The following CEMIP variants were observed in gnomAD, a reference collection of about 807,000 sequenced individuals.
The protein encoded by CEMIP is cell migration-inducing and hyaluronan-binding protein.
Under a neutral mutation model 156.9 loss-of-function variants are expected in CEMIP, and 105 were observed. That is an observed-to-expected ratio of 0.67 (90% CI 0.57 to 0.79). CEMIP has a LOEUF of 0.79. CEMIP is among the 30% of genes least tolerant of loss of function. The pLI is 0.00. For synonymous variants in CEMIP, 676 were observed against 668.4 expected (o/e 1.01, Z -0.17); for missense variants, 1,457 against 1,769.4 (o/e 0.82, Z 3.17).
intron 8 of CEMIP, 152 bp from the exon 9 acceptor site, chr15:80,888,549 G>A: frequency 1.5e-6 from 1 of 666,044 alleles, no homozygotes; most frequent in East Asian, 2.7e-5. Flanking sequence ...CCAAGTGAAT[G>A]AATGTCCTAA....
intron 1 of CEMIP, among the ~76,000 whole-genome samples, chr15:80,788,776 C>T (rs557818956): frequency 4.6e-4 from 70 of 152,182 alleles, no homozygotes; most frequent in African/African-American, 1.7e-3. Context: ...GTTGCTGAGC[C>T]ATGAGTGAGC....
chr15:80,914,005 G>T (rs1161357586), intron 14 of CEMIP, among the ~76,000 whole-genome samples: 1 of 152,252 alleles, frequency 6.6e-6, no homozygotes, highest in Non-Finnish European at 1.5e-5. Flanking sequence ...GATACTGTCA[G>T]TGGTGTCTTT....
intron 1 of CEMIP, among the ~76,000 whole-genome samples, chr15:80,813,120 G>A (rs1391577073): frequency 6.6e-6 from 1 of 152,168 alleles, no homozygotes; most frequent in African/African-American, 2.4e-5. Context: ...GAAAACAAGA[G>A]CTAATAGTAA....
chr15:80,900,864 C>T, intron 12 of CEMIP: 1 of 451,030 alleles, frequency 2.2e-6, no homozygotes, highest in Non-Finnish European at 4.4e-6. Context: ...CTTCTCTTCC[C>T]CAGGCTGGCT....
rs532397594 is a variant in CEMIP at position 80,846,864 on chromosome 15, G to A, written c.-175-26674G>A. On this transcript the variant is annotated intron_variant, in intron 1 of 29. Coordinates refer to ENST00000394685, the MANE Select transcript of CEMIP (RefSeq NM_001293298.2). The stretch of plus-strand genomic sequence containing the variant: ...CACTTGTTGTGGTGACAAGACTTGG[G>A]GGCTTTACTCAGTGGTTTCCATTTC... 3.3e-5 allele frequency among the ~76,000 whole-genome samples: 5 copies of A among 152,298 alleles called. No individual in the cohort carries two copies. In the South Asian group the frequency reaches 1.0e-3, roughly 32 times the overall value.
intron 1 of CEMIP, among the ~76,000 whole-genome samples, chr15:80,846,103 A>G (rs1324494601): frequency 6.6e-6 from 1 of 152,196 alleles, no homozygotes; most frequent in Non-Finnish European, 1.5e-5. Context: ...GCTTTGGGCC[A>G]GGCCAGGTGG....
chr15:80,832,459 C>T (rs530883949), intron 1 of CEMIP, among the ~76,000 whole-genome samples: 11 of 151,836 alleles, frequency 7.2e-5, no homozygotes, highest in East Asian at 5.8e-4. Context: ...TGTAGATTTG[C>T]AAATCAGCAG....
At chr15:80,921,875 TG>T in intron 16 of CEMIP, 133 bp from the exon 17 acceptor site, 1 of 1,050,184 alleles carries the variant, frequency 9.5e-7, no homozygotes, top group Non-Finnish European at 1.5e-6. Context: ...GTGTTGGGGG[TG>T]GGCACCGAGG....
chr15:80,928,887 T>G lies in CEMIP; in HGVS notation c.2421-15T>G. On this transcript the variant is annotated splice_polypyrimidine_tract_variant and intron_variant, in intron 19 of 29. Coordinates refer to ENST00000394685, the MANE Select transcript of CEMIP (RefSeq NM_001293298.2). Reference sequence around the variant, plus strand: ...CCAGGGCATGCTCTGACTATCTATCTGCTCTTGCCCACAGGTTTGCTGACA... The same window carrying G: ...CCAGGGCATGCTCTGACTATCTATCGGCTCTTGCCCACAGGTTTGCTGACA... The G allele has an allele frequency of 6.2e-7, 1 of 1,613,620 alleles. No individual in the cohort carries two copies.
At chr15:80,847,562 C>A (rs183907028) in intron 1 of CEMIP, among the ~76,000 whole-genome samples, 9 of 152,240 alleles carry the variant, frequency 5.9e-5, no homozygotes. Flanking sequence ...GGAGTAGGAC[C>A]CCCAGAATCC....
chr15:80,936,876 A>G lies in CEMIP; in HGVS notation c.3212A>G (p.Asn1071Ser). 2 of 1,614,100 alleles carry G rather than the reference A, an allele frequency of 1.2e-6. No homozygotes were observed. The highest frequency in any genetic ancestry group is 1.3e-5 in the African/African-American group (1 of 75,050). Residue 1071 changes from asparagine (N) to serine (S), a missense_variant, in exon 24 of 30, where the codon AAC (asparagine) becomes AGC (serine). Physicochemically the swap from Asn to Ser is conservative, Grantham distance 46. Transcript: ENST00000394685. Reference sequence around the variant, plus strand: ...GCCGAACTCGCCATCTGGCTCATCAACTTCAACAAGTGAGTGGGTGTCCAG... The same window carrying G: ...GCCGAACTCGCCATCTGGCTCATCAGCTTCAACAAGTGAGTGGGTGTCCAG... ...APAELAIWLI[N>S]FNKGDWIRVG... is the part of the protein sequence containing the mutation.
intron 1 of CEMIP, among the ~76,000 whole-genome samples, chr15:80,820,811 G>GTACA (rs1567058595): frequency 6.6e-6 from 1 of 152,182 alleles, no homozygotes. Flanking sequence ...CTGGGACGCT[G>GTACA]TACACAGTAA....
chr15:80,788,772 G>C (rs1263748454), intron 1 of CEMIP, among the ~76,000 whole-genome samples: 1 of 152,042 alleles, frequency 6.6e-6, no homozygotes, highest in African/African-American at 2.4e-5. Context: ...TAACGTTGCT[G>C]AGCCATGAGT....
rs1239998126 is a variant in CEMIP, at chr15:80,936,684, A to C, written c.3020A>C (p.Gln1007Pro). Residue 1007 changes from glutamine to proline, a missense_variant, in exon 24 of 30, where the codon CAA becomes CCA. Transcript: ENST00000394685. The stretch of plus-strand genomic sequence containing the variant: ...TTTGGGTTTTAAAAGATGTACATTC[A>C]AGCCTACAAGACCAGTAACCTGCGA... ...CSGCYAQMYI[Q>P]AYKTSNLRMK... The C allele has an allele frequency of 1.2e-6, 2 of 1,613,658 alleles. No homozygotes were observed. The highest frequency in any genetic ancestry group is 2.7e-5 in the African/African-American group (2 of 74,922).
At chr15:80,803,634 T>A (rs1896436840) in intron 1 of CEMIP, among the ~76,000 whole-genome samples, 1 of 152,194 alleles carries the variant, frequency 6.6e-6, no homozygotes, top group African/African-American at 2.4e-5. Context: ...CTCCATGCAG[T>A]TGGTTCTAGA....
intron 1 of CEMIP, among the ~76,000 whole-genome samples, chr15:80,851,790 T>C (rs1897722280): frequency 6.6e-6 from 1 of 151,894 alleles, no homozygotes; most frequent in African/African-American, 2.4e-5. Context: ...CAGGTGAGGT[T>C]GAGTAGATAT....
intron 1 of CEMIP, among the ~76,000 whole-genome samples, chr15:80,812,988 G>A (rs991001584): frequency 6.6e-6 from 1 of 152,218 alleles, no homozygotes; most frequent in African/African-American, 2.4e-5. Flanking sequence ...AATTAAGGGG[G>A]ATAGACTTCA....
At chr15:80,827,285 G>C (rs547809724) in intron 1 of CEMIP, among the ~76,000 whole-genome samples, 1 of 152,314 alleles carries the variant, frequency 6.6e-6, no homozygotes, top group East Asian at 1.9e-4. Context: ...ATGGGAGTGA[G>C]TAGTGGGAGA....
chr15:80,783,190 C>G (rs1314953688), intron 1 of CEMIP, among the ~76,000 whole-genome samples: 1 of 152,192 alleles, frequency 6.6e-6, no homozygotes. Flanking sequence ...GTGGTATCGG[C>G]AAAGCATCAC....
Sources: allele counts gnomAD v4.1 joint callset (sites outside exome capture counted in the v4.1 genomes callset), GRCh38; gene constraint gnomAD v4.1.1; transcripts MANE v1.5; gene names NCBI Gene and HGNC (gene_info 2026-07-23, HGNC 2026-07-21).